The following SUGP1 variants were observed in gnomAD, a reference collection of about 807,000 sequenced individuals.
The protein encoded by SUGP1 is SURP and G-patch domain-containing protein 1.
In SUGP1, 34 loss-of-function variants were observed where a neutral mutation model predicts 76.5. That is an observed-to-expected ratio of 0.44 (90% CI 0.34 to 0.59). SUGP1 has a LOEUF of 0.59. Among genes scored for constraint, SUGP1 ranks in the 20% least tolerant of loss-of-function variants. The probability of loss-of-function intolerance (pLI) is 0.01; values close to 1 mark genes in which losing one functional copy is unlikely to be tolerated. For missense variants in SUGP1, 752 were observed against 851.7 expected, an observed-to-expected ratio of 0.88 and a Z score of 1.46; for synonymous variants, 326 against 326.2, an observed-to-expected ratio of 1.00 and a Z score of 0.01.
At chr19:19,281,186 C>T (rs1349255445) in intron 8 of SUGP1, 2 of 152,266 alleles carry the variant, frequency 1.3e-5, no homozygotes, top group African/African-American at 4.8e-5. Flanking sequence ...CCCAGGCCCA[C>T]TCCACCACAT....
intron 4 of SUGP1, 43 bp downstream of exon 4, chr19:19,305,806 C>G (rs772734589): frequency 6.5e-7 from 1 of 1,541,652 alleles, no homozygotes; most frequent in Admixed American, 1.8e-5. Flanking sequence ...CCTGCTAGAG[C>G]ACGGGCACTG....
chr19:19,290,561 T>C (rs1418606379), intron 8 of SUGP1, among the ~76,000 whole-genome samples: 1 of 151,814 alleles, frequency 6.6e-6, no homozygotes, highest in Non-Finnish European at 1.5e-5. Context: ...GGAGAATCAC[T>C]TGAACCTGGT....
At chr19:19,316,087 C>T (rs879580100) in intron 2 of SUGP1, among the ~76,000 whole-genome samples, 2 of 152,126 alleles carry the variant, frequency 1.3e-5, no homozygotes, top group African/African-American at 2.4e-5. Context: ...TCTGTCTCAG[C>T]CTCCCAAAGG....
In SUGP1 at chr19:19,276,069, A is replaced by T. The variant is rs2061047487; in HGVS notation, c.*579T>A. ...CTCCAGCTTTATTATTATTATTATT[A>T]TTTGAGACAGAGTCTTGCTCTCTTG... On this transcript the variant is annotated 3_prime_UTR_variant, in exon 14 of 14. Transcript: ENST00000247001. 1 of 153,750 alleles carries T rather than the reference A, an allele frequency of 6.5e-6. No homozygotes were observed. Among genetic ancestry groups the T allele is most frequent in the Admixed American group, 6.4e-5 (1 of 15,634 alleles). 9.5% of individuals were successfully genotyped at this position (153,750 alleles called of 1,614,324 possible). A position where few individuals can be genotyped will look rare whatever the true frequency, so the allele number is the denominator to read the frequency against.
intron 2 of SUGP1, among the ~76,000 whole-genome samples, chr19:19,312,853 G>T (rs762753824): frequency 6.6e-6 from 1 of 151,854 alleles, no homozygotes; most frequent in Non-Finnish European, 1.5e-5. Context: ...AGCCGGGCAT[G>T]GTGGGGGGCA....
intron 3 of SUGP1, among the ~76,000 whole-genome samples, chr19:19,307,346 G>A (rs1215257896): frequency 6.6e-6 from 1 of 151,882 alleles, no homozygotes. Flanking sequence ...CACCATGCCT[G>A]GCAGGGGCTT....
intron 1 of SUGP1, among the ~76,000 whole-genome samples, chr19:19,319,353 C>A (rs574796483): frequency 1.3e-5 from 2 of 152,086 alleles, no homozygotes; most frequent in East Asian, 1.9e-4. Flanking sequence ...CATTTACTGG[C>A]CCCCCTCTGT....
intron 8 of SUGP1, among the ~76,000 whole-genome samples, chr19:19,288,414 A>G (rs1292014984): frequency 6.6e-6 from 1 of 152,192 alleles, no homozygotes; most frequent in Non-Finnish European, 1.5e-5. Flanking sequence ...TACATATAAC[A>G]TATAAAAAGC....
At position 19,276,953 on chromosome 19, in the gene SUGP1, G is replaced by A. The variant is rs1381515197; in HGVS notation, c.1905C>T (p.Asn635=). The A allele has an allele frequency of 7.4e-6, 12 of 1,613,042 alleles. No homozygotes were observed. Among genetic ancestry groups the A allele is most frequent in the Non-Finnish European group, 9.3e-6 (11 of 1,180,014 alleles). The stretch of plus-strand genomic sequence containing the variant: ...CCCAGGAGGACATGCGTACCAGGGG[G>A]TTGGGCCGGAAGCGGTAGGCCAGCA... ...RMMLAYRFRP[N]PLNNPRRPYY Residue 635 remains asparagine, a synonymous_variant, in exon 13 of 14, where the codon AAC becomes AAT. Transcript: ENST00000247001.
rs2061291298 is a variant in SUGP1, at chr19:19,303,709, C to T, written c.662+15G>A. ...CATTCAACAGCACAGCCTTCCCTTC[C>T]CCGGAGATACTCACGCAAATGCTGG... On this transcript the variant is annotated intron_variant, in intron 5 of 13. Coordinates refer to ENST00000247001, the MANE Select transcript of SUGP1 (RefSeq NM_172231.4). 1 of 1,614,146 alleles carries T rather than the reference C, an allele frequency of 6.2e-7. No homozygotes were observed.
intron 8 of SUGP1, among the ~76,000 whole-genome samples, chr19:19,294,679 T>C (rs2061211591): frequency 1.3e-5 from 2 of 151,926 alleles, no homozygotes; most frequent in Admixed American, 1.3e-4. Flanking sequence ...TAGATACATT[T>C]GACTTCATTA....
At chr19:19,301,380 CT>C in intron 7 of SUGP1, among the ~76,000 whole-genome samples, 1 of 152,214 alleles carries the variant, frequency 6.6e-6, no homozygotes, top group Admixed American at 6.5e-5. Flanking sequence ...TCAGTCCCAC[CT>C]CCCAATGGTG....
At chr19:19,278,062 G>A (rs1401051803) in intron 11 of SUGP1, among the ~76,000 whole-genome samples, 183 bp from the exon 12 acceptor site, 2 of 152,162 alleles carry the variant, frequency 1.3e-5, no homozygotes, top group East Asian at 1.9e-4. Flanking sequence ...GGTCCCCGGG[G>A]CCTTAGTGCC....
chr19:19,311,726 CAAAAAAA>C (rs55707664), intron 2 of SUGP1, among the ~76,000 whole-genome samples: 2 of 77,260 alleles, frequency 2.6e-5, no homozygotes, highest in African/African-American at 4.9e-5. Context: ...GACTCTGTCT[CAAAAAAA>C]AAAAAAAAAA....
intron 11 of SUGP1, among the ~76,000 whole-genome samples, chr19:19,278,384 G>A (rs112502683): frequency 3.6e-4 from 55 of 152,312 alleles, no homozygotes; most frequent in African/African-American, 1.2e-3. Flanking sequence ...TTCTGGAGAG[G>A]CCAGTCCGTG....
rs2061303316 is a variant in SUGP1 at position 19,304,783 on chromosome 19, T to G, written c.539-936A>C. Among the ~76,000 whole-genome samples, 4 of 152,288 alleles carry G rather than the reference T, an allele frequency of 2.6e-5. No individual in the cohort carries two copies. The South Asian group carries it at 8.3e-4, about 32-fold the overall frequency. On this transcript the variant is annotated intron_variant, in intron 4 of 13. Coordinates refer to ENST00000247001, the MANE Select transcript of SUGP1 (RefSeq NM_172231.4). ...CTGTGGCTAATCTTATTCCCCTTGT[T>G]GCTTGGGCTGCTGGGAATGGGGGAG...
chr19:19,284,209 C>T (rs886234561), intron 8 of SUGP1, among the ~76,000 whole-genome samples: 6 of 152,134 alleles, frequency 3.9e-5, no homozygotes, highest in South Asian at 2.1e-4. Context: ...GCAGGAGAAT[C>T]GCTTGAACCC....
At chr19:19,294,596 T>C (rs2023882) in intron 8 of SUGP1, among the ~76,000 whole-genome samples, 63,160 of 150,246 alleles carry the variant, frequency 0.42, 14,650 homozygotes, top group African/African-American at 0.62. Context: ...AACACAGGGG[T>C]AAATTTTCAT....
intron 8 of SUGP1, among the ~76,000 whole-genome samples, chr19:19,283,912 C>T (rs2061119871): frequency 6.6e-6 from 1 of 152,220 alleles, no homozygotes; most frequent in Admixed American, 6.5e-5. Flanking sequence ...ATAACATTAG[C>T]TGTAGTGCAC....
Sources: allele counts gnomAD v4.1 joint callset (sites outside exome capture counted in the v4.1 genomes callset), GRCh38; gene constraint gnomAD v4.1.1; transcripts MANE v1.5; gene names NCBI Gene and HGNC (gene_info 2026-07-23, HGNC 2026-07-21).